Variants in MACROD2 observed in about 807,000 individuals in gnomAD.
The protein encoded by MACROD2 is mono-ADP ribosylhydrolase 2.
Under a neutral mutation model 70.4 loss-of-function variants are expected in MACROD2, and 36 were observed. That is an observed-to-expected ratio of 0.51 (90% confidence interval 0.39 to 0.68). The LOEUF (loss-of-function observed/expected upper bound fraction) is 0.68, where lower values mean the gene tolerates loss of function less well. MACROD2 is among the 30% of genes least tolerant of loss of function. The pLI is 0.00. For synonymous variants in MACROD2, 172 were observed against 178.8 expected (o/e 0.96, Z 0.30); for missense variants, 496 against 538.4 (o/e 0.92, Z 0.78).
At chr20:14,575,394 C>T (rs1021794450) in intron 4 of MACROD2, among the ~76,000 whole-genome samples, 1 of 152,012 alleles carries the variant, frequency 6.6e-6, no homozygotes, top group African/African-American at 2.4e-5. Flanking sequence ...TCACACATCC[C>T]GTAACCTCTG....
At chr20:15,933,170 C>A in intron 10 of MACROD2, 106 bp from the exon 11 acceptor site, 2 of 1,058,028 alleles carry the variant, frequency 1.9e-6, no homozygotes, top group South Asian at 1.5e-5. Context: ...TATGGGGAGT[C>A]ATGCTACATT....
intron 12 of MACROD2, among the ~76,000 whole-genome samples, chr20:15,947,725 T>C (rs2065844437): frequency 1.3e-5 from 2 of 152,186 alleles, no homozygotes; most frequent in South Asian, 4.1e-4. Context: ...AATAAAATGG[T>C]GTGTACATAA....
intron 3 of MACROD2, among the ~76,000 whole-genome samples, chr20:14,416,647 T>G (rs1287039217): frequency 6.6e-6 from 1 of 152,224 alleles, no homozygotes; most frequent in African/African-American, 2.4e-5. Flanking sequence ...AAGCACGTCT[T>G]TCTTTTCCTT....
At chr20:14,130,662 A>T (rs2054705405) in intron 3 of MACROD2, among the ~76,000 whole-genome samples, 1 of 152,226 alleles carries the variant, frequency 6.6e-6, no homozygotes, top group African/African-American at 2.4e-5. Flanking sequence ...TTAGCAGTTC[A>T]TAATTAACCC....
At chr20:16,009,181 G>A (rs2066828876) in intron 15 of MACROD2, among the ~76,000 whole-genome samples, 1 of 152,146 alleles carries the variant, frequency 6.6e-6, no homozygotes, top group Non-Finnish European at 1.5e-5. Context: ...AAGAAAACAC[G>A]AATGGAGGTG....
intron 12 of MACROD2, among the ~76,000 whole-genome samples, chr20:15,954,269 T>G (rs2065945586): frequency 6.6e-6 from 1 of 152,138 alleles, no homozygotes; most frequent in Non-Finnish European, 1.5e-5. Flanking sequence ...TATAGCCTGT[T>G]AGGTGCACCT....
intron 7 of MACROD2, among the ~76,000 whole-genome samples, chr20:15,433,477 A>AG (rs1034684860): frequency 6.7e-6 from 1 of 148,172 alleles, no homozygotes; most frequent in Non-Finnish European, 1.5e-5. Context: ...AAAAAAAAAA[A>AG]AAGATAAAAT....
rs537622514 is a variant in MACROD2 at position 15,150,126 on chromosome 20, C to G, written c.419-79814C>G. ...CACATGTGTTTTTATGAGAATTATG[C>G]CAAGATAGGTAACAGATGAGGAAGA... On this transcript the variant is annotated intron_variant, in intron 5 of 17. Transcript: ENST00000684519. Among the ~76,000 whole-genome samples, 370 of 151,926 alleles carry G rather than the reference C, an allele frequency of 2.4e-3. 2 individuals carry two copies. The highest frequency in any genetic ancestry group is 3.1e-3 in the Non-Finnish European group (208 of 68,000).
intron 8 of MACROD2, among the ~76,000 whole-genome samples, chr20:15,776,986 A>G (rs2051732326): frequency 6.6e-6 from 1 of 152,142 alleles, no homozygotes; most frequent in South Asian, 2.1e-4. Context: ...TTTAGTATAG[A>G]TTAGTCTTCC....
At chr20:15,586,912 A>C (rs1280455990) in intron 8 of MACROD2, among the ~76,000 whole-genome samples, 1 of 152,200 alleles carries the variant, frequency 6.6e-6, no homozygotes, top group African/African-American at 2.4e-5. Flanking sequence ...AAATCTTAAA[A>C]ATATCCTGAA....
At chr20:15,060,004 C>T (rs776658167) in intron 5 of MACROD2, among the ~76,000 whole-genome samples, 2 of 152,132 alleles carry the variant, frequency 1.3e-5, no homozygotes, top group African/African-American at 2.4e-5. Context: ...ATGACCGCTG[C>T]CATCTCCCCC....
intron 8 of MACROD2, among the ~76,000 whole-genome samples, chr20:15,831,053 G>T (rs1339098255): frequency 1.3e-5 from 2 of 152,090 alleles, no homozygotes; most frequent in Admixed American, 6.6e-5. Context: ...ATTCAAAATG[G>T]GAATTTTGAA....
intron 6 of MACROD2, among the ~76,000 whole-genome samples, chr20:15,301,771 A>G (rs1169781106): frequency 6.6e-6 from 1 of 151,854 alleles, no homozygotes; most frequent in Non-Finnish European, 1.5e-5. Flanking sequence ...TCTTTCAGAG[A>G]TACTACCTAG....
chr20:15,405,128 G>T (rs1017601962), intron 6 of MACROD2, among the ~76,000 whole-genome samples: 5 of 152,092 alleles, frequency 3.3e-5, no homozygotes, highest in Non-Finnish European at 7.4e-5. Context: ...AGAGGATAAG[G>T]GCAGGGGGTA....
chr20:14,487,994 AGGT>A (rs927710540), intron 3 of MACROD2, among the ~76,000 whole-genome samples: 7 of 152,226 alleles, frequency 4.6e-5, no homozygotes, highest in African/African-American at 1.7e-4. Context: ...ATATTTTTAA[AGGT>A]GCTTTCTGGT....
intron 3 of MACROD2, among the ~76,000 whole-genome samples, chr20:14,370,577 A>T (rs558793681): frequency 6.6e-6 from 1 of 152,324 alleles, no homozygotes; most frequent in East Asian, 1.9e-4. Context: ...TGAACCACTT[A>T]TATCAACTGG....
intron 6 of MACROD2, among the ~76,000 whole-genome samples, chr20:15,384,730 C>T (rs2045690042): frequency 2.6e-5 from 4 of 152,064 alleles, no homozygotes; most frequent in Admixed American, 2.0e-4. Context: ...TACATTTTTA[C>T]AATTAAAATA....
chr20:15,751,747 C>T (rs2051273702), intron 8 of MACROD2, among the ~76,000 whole-genome samples: 1 of 151,852 alleles, frequency 6.6e-6, no homozygotes, highest in South Asian at 2.1e-4. Context: ...AAATTCTCTC[C>T]TGACCAGAAG....
intron 8 of MACROD2, among the ~76,000 whole-genome samples, chr20:15,614,918 C>T (rs2049017198): frequency 6.6e-6 from 1 of 152,180 alleles, no homozygotes; most frequent in Admixed American, 6.5e-5. Context: ...TAAAATTCTG[C>T]ATACTTCTGT....
Sources: allele counts gnomAD v4.1 joint callset (sites outside exome capture counted in the v4.1 genomes callset), GRCh38; gene constraint gnomAD v4.1.1; transcripts MANE v1.5; gene names NCBI Gene and HGNC (gene_info 2026-07-23, HGNC 2026-07-21).